Variants in FAM222B observed in about 807,000 individuals in gnomAD.
FAM222B encodes protein FAM222B.
In FAM222B, 12 loss-of-function variants were observed where a neutral mutation model predicts 38.0. The ratio of observed to expected loss-of-function variants is 0.32; its 90% CI spans 0.20 to 0.51. The LOEUF is 0.51. Among genes scored for constraint, FAM222B ranks in the 20% least tolerant of loss-of-function variants. FAM222B has a pLI of 0.97. For missense variants in FAM222B, 716 were observed against 754.2 expected (o/e 0.95, Z 0.59); for synonymous variants, 329 against 317.2 (o/e 1.04, Z -0.40).
At chr17:28,786,143 T>G (rs1300632543) in intron 1 of FAM222B, among the ~76,000 whole-genome samples, 1 of 150,522 alleles carries the variant, frequency 6.6e-6, no homozygotes, top group Non-Finnish European at 1.5e-5. Context: ...TAGGTTTTGT[T>G]TTTTTTTTTA....
intron 1 of FAM222B, among the ~76,000 whole-genome samples, chr17:28,829,151 G>A (rs1251273722): frequency 7.9e-5 from 12 of 151,164 alleles, no homozygotes; most frequent in Non-Finnish European, 1.5e-4. Flanking sequence ...AGATCTGCCC[G>A]CCTCGGCCTC....
At chr17:28,834,858 T>A (rs1176417282) in intron 1 of FAM222B, 2 of 151,722 alleles carry the variant, frequency 1.3e-5, no homozygotes, top group African/African-American at 2.4e-5. Context: ...AAGTCAATTT[T>A]TTTTTTTTTT....
In FAM222B at chr17:28,757,206, G is replaced by C. The variant is rs962542861; in HGVS notation, c.*1064C>G. On this transcript the variant is annotated 3_prime_UTR_variant, in exon 3 of 3. Coordinates refer to ENST00000581407, the MANE Select transcript of FAM222B (RefSeq NM_001077498.3). ...TCAAAGAGCTTAAGGCTTTGTGTTT[G>C]TTTTTTTTTCCTTCATTAAACTGAG... The C allele has an allele frequency of 6.6e-6, 1 of 151,012 alleles. No individual in the cohort carries two copies. Among genetic ancestry groups the C allele is most frequent in the African/African-American group, 2.4e-5 (1 of 40,920 alleles). The allele number at this position is 151,012 out of a possible 1,614,324, so 9.4% of individuals were successfully genotyped here.
intron 1 of FAM222B, among the ~76,000 whole-genome samples, chr17:28,829,912 C>T (rs1309386190): frequency 1.3e-5 from 2 of 151,902 alleles, no homozygotes; most frequent in Non-Finnish European, 2.9e-5. Context: ...TGCAGTGGCG[C>T]GATCTCGGCT....
chr17:28,793,809 G>A (rs975715907), intron 1 of FAM222B, among the ~76,000 whole-genome samples: 2 of 149,652 alleles, frequency 1.3e-5, no homozygotes, highest in African/African-American at 5.0e-5. Flanking sequence ...GCAATGGTGC[G>A]ATACGGGCTC....
At position 28,842,708 on chromosome 17, in the gene FAM222B, G is replaced by A. The variant is rs2039088385; in HGVS notation, c.-67C>T. On this transcript the variant is annotated 5_prime_UTR_variant, in exon 1 of 3. Coordinates refer to ENST00000581407, the MANE Select transcript of FAM222B (RefSeq NM_001077498.3). ...GTCGGTGACTGGGCCCGGCCCTCAT[G>A]GCTGCTCCTTTGCCGCCCGCCGCCC... 1 of 150,110 alleles carries A rather than the reference G, an allele frequency of 6.7e-6. No individual in the cohort carries two copies. The highest frequency in any genetic ancestry group is 1.9e-4 in the South Asian group (1 of 5,178). 9.3% of individuals were successfully genotyped at this position (150,110 alleles called of 1,614,324 possible). A position where few individuals can be genotyped will look rare whatever the true frequency, so the allele number is the denominator to read the frequency against.
chr17:28,769,102 T>TA, intron 1 of FAM222B, among the ~76,000 whole-genome samples: 1 of 151,918 alleles, frequency 6.6e-6, no homozygotes. Flanking sequence ...GGATTACTAT[T>TA]AGCCTTCTAA....
At chr17:28,835,707 T>C (rs2038821903) in intron 1 of FAM222B, among the ~76,000 whole-genome samples, 1 of 152,200 alleles carries the variant, frequency 6.6e-6, no homozygotes, top group South Asian at 2.1e-4. Flanking sequence ...TCGCCCAGGC[T>C]GGAGTGCAAT....
At chr17:28,788,809 T>A (rs1335361422) in intron 1 of FAM222B, among the ~76,000 whole-genome samples, 2 of 152,110 alleles carry the variant, frequency 1.3e-5, no homozygotes, top group African/African-American at 4.8e-5. Context: ...TGATGCAATA[T>A]TGGCTTACTA....
intron 1 of FAM222B, among the ~76,000 whole-genome samples, chr17:28,835,066 G>GTGTGTGTGTGTGTGT (rs2038797251): frequency 1.4e-5 from 2 of 147,520 alleles, no homozygotes; most frequent in Non-Finnish European, 3.0e-5. Flanking sequence ...GTGTGTGTGT[G>GTGTGTGTGTGTGTGT]ATGGAGTCAC....
intron 1 of FAM222B, among the ~76,000 whole-genome samples, chr17:28,811,569 T>C (rs1181154621): frequency 6.6e-6 from 1 of 152,190 alleles, no homozygotes; most frequent in African/African-American, 2.4e-5. Context: ...ATAAGAAATA[T>C]ACCAACAGAG....
chr17:28,808,504 G>C (rs2037594530), intron 1 of FAM222B, among the ~76,000 whole-genome samples: 1 of 152,174 alleles, frequency 6.6e-6, no homozygotes, highest in South Asian at 2.1e-4. Flanking sequence ...ATTTGCCTAA[G>C]CAACCATTCT....
chr17:28,853,503 T>G (rs1442934758), intron 1 of FAM222B, among the ~76,000 whole-genome samples: 1 of 152,222 alleles, frequency 6.6e-6, no homozygotes, highest in Non-Finnish European at 1.5e-5. Flanking sequence ...CTGATTCTCT[T>G]GTAGTAAGAG....
At position 28,759,907 on chromosome 17, in the gene FAM222B, G is replaced by A. The variant is rs1184930377; in HGVS notation, c.83-31C>T. The A allele has an allele frequency of 6.7e-7, 1 of 1,493,170 alleles. No homozygotes were observed. Among genetic ancestry groups the A allele is most frequent in the East Asian group, 2.5e-5 (1 of 40,386 alleles). The allele number at this position is 1,493,170 out of a possible 1,614,324, so 92.5% of individuals were successfully genotyped here. On this transcript the variant is annotated intron_variant, in intron 2 of 2. Coordinates refer to ENST00000581407, the MANE Select transcript of FAM222B (RefSeq NM_001077498.3). This position sits in a 1 kb window ranked among gnomAD's most constrained non-coding sequence, Gnocchi z 4.8. ...GAGAGAGAATGGGAAGGAGAGCAAA[G>A]AGGGAGAGGGAGCTCATCAGTGCCA...
rs961597443 is a variant in FAM222B at position 28,756,137 on chromosome 17, A to T, written c.*2133T>A. 5 of 152,716 alleles carry T rather than the reference A, an allele frequency of 3.3e-5. No homozygotes were observed. Among genetic ancestry groups the T allele is most frequent in the African/African-American group, 1.2e-4 (5 of 41,432 alleles). 9.5% of individuals were successfully genotyped at this position (152,716 alleles called of 1,614,324 possible). ...CCCTAGGGTAGTGTAGGATGGAGAC[A>T]GGGAGTGTGGAGAGGAGGCCCTGGC... On this transcript the variant is annotated 3_prime_UTR_variant, in exon 3 of 3. Coordinates refer to ENST00000581407, the MANE Select transcript of FAM222B (RefSeq NM_001077498.3).
intron 1 of FAM222B, among the ~76,000 whole-genome samples, chr17:28,825,425 T>A (rs1180857672): frequency 1.0e-5 from 1 of 99,888 alleles, no homozygotes; most frequent in African/African-American, 3.9e-5. Context: ...CAGAGTGAGA[T>A]CCCGTCTCAA....
At chr17:28,760,771 GC>G (rs988766979) in intron 2 of FAM222B, among the ~76,000 whole-genome samples, 8 of 152,134 alleles carry the variant, frequency 5.3e-5, no homozygotes, top group Non-Finnish European at 7.4e-5. Context: ...CATCTTGGCA[GC>G]TGGGGGGCTT....
chr17:28,851,525 C>T (rs1567915866), intron 1 of FAM222B, among the ~76,000 whole-genome samples: 1 of 150,884 alleles, frequency 6.6e-6, no homozygotes, highest in Non-Finnish European at 1.5e-5. Flanking sequence ...CTCAAACGAA[C>T]AAACAAACAA....
chr17:28,844,538 G>C (rs2039128198), upstream of FAM222B, among the ~76,000 whole-genome samples: 1 of 152,070 alleles, frequency 6.6e-6, no homozygotes, highest in Non-Finnish European at 1.5e-5. Context: ...GGCGCCTGTA[G>C]TCCCAGCTAC....
Sources: gnomAD v4.1 joint callset for allele counts (sites outside exome capture counted in the v4.1 genomes callset) on GRCh38, gnomAD v4.1.1 for gene constraint, Gnocchi (gnomAD v3.1) non-coding constraint, MANE v1.5 for transcripts, NCBI Gene and HGNC (gene_info 2026-07-23, HGNC 2026-07-21) for gene names.